The following ATG2B variants were observed in gnomAD, a reference collection of about 807,000 sequenced individuals.
ATG2B encodes autophagy-related protein 2 homolog B.
ATG2B carries 121 observed loss-of-function variants against 241.3 expected under a neutral mutation model. The ratio of observed to expected loss-of-function variants is 0.50; its 90% CI spans 0.43 to 0.58. The LOEUF (loss-of-function observed/expected upper bound fraction) is 0.58. ATG2B is among the 20% of genes least tolerant of loss of function. ATG2B has a pLI of 0.00. For synonymous variants in ATG2B, 858 were observed against 876.6 expected, an observed-to-expected ratio of 0.98 and a Z score of 0.37; for missense variants, 2,306 against 2,491.6, an observed-to-expected ratio of 0.93 and a Z score of 1.59.
intron 36 of ATG2B, among the ~76,000 whole-genome samples, chr14:96,292,758 G>C (rs558093941): frequency 6.6e-6 from 1 of 152,294 alleles, no homozygotes; most frequent in South Asian, 2.1e-4. Context: ...CAAATATAGG[G>C]AACGGTGTGA....
intron 29 of ATG2B, among the ~76,000 whole-genome samples, chr14:96,308,251 TACACAC>T (rs1203560379): frequency 0.27 from 5,603 of 20,576 alleles, 707 homozygotes; most frequent in African/African-American, 0.31. Context: ...TATATATATA[TACACAC>T]ATATATATAT....
At chr14:96,359,293 G>A (rs1325361366) in intron 1 of ATG2B, among the ~76,000 whole-genome samples, 1 of 151,926 alleles carries the variant, frequency 6.6e-6, no homozygotes, top group Non-Finnish European at 1.5e-5. Context: ...TAGGAGGATC[G>A]CTTGAGCCTA....
Position 96,323,945 on chromosome 14 carries a change from T to C in ATG2B, c.2491A>G (p.Ser831Gly), listed in dbSNP as rs763232069. ...GATGTTGTATCTCCATCTACTCCAC[T>C]AGACACATGGAAAAACTTAATAGAT... Reference protein sequence around the residue: ...DPSIKFFHVSSGVDGDTTSSD... With the variant: ...DPSIKFFHVSGGVDGDTTSSD... Residue 831 changes from serine (S) to glycine (G), a missense_variant, in exon 16 of 42, where the codon AGT (serine) becomes GGT (glycine). Physicochemically the swap from Ser to Gly is moderately conservative, Grantham distance 56 (BLOSUM62 0). This residue lies in a region of ATG2B where 1,927 missense variants were observed against 2,011.2 expected (regional missense o/e 0.96). Coordinates refer to ENST00000359933, the MANE Select transcript of ATG2B (RefSeq NM_018036.7). 5.6e-6 allele frequency: 9 copies of C among 1,611,890 alleles called. No individual in the cohort carries two copies. Among genetic ancestry groups the C allele is most frequent in the South Asian group, 5.5e-5 (5 of 90,580 alleles).
intron 37 of ATG2B, 137 bp from the exon 38 acceptor site, chr14:96,291,819 A>G (rs191169805): frequency 2.2e-4 from 144 of 651,802 alleles, no homozygotes; most frequent in Non-Finnish European, 4.3e-5. Flanking sequence ...GTAAAAATAT[A>G]TATCTTACAA....
At position 96,304,559 on chromosome 14, in the gene ATG2B, C is replaced by T. The variant is rs200339616; in HGVS notation, c.4778G>A (p.Arg1593His). 2.9e-5 allele frequency: 46 copies of T among 1,611,204 alleles called. No individual in the cohort carries two copies. Among genetic ancestry groups the T allele is most frequent in the Middle Eastern group, 1.7e-4 (1 of 6,048 alleles). The part of the protein sequence containing the change: ...SPSHTPTRHG[R>H]NTVCGGKGRN... ...TCCTTTTCCCCCACATACTGTATTA[C>T]GTCCATGTCTCGTGGGTGTGTGAGA... Residue 1593 changes from arginine to histidine, a missense_variant, in exon 32 of 42, where the codon CGT (arginine) becomes CAT (histidine). This residue lies in a region of ATG2B where 1,927 missense variants were observed against 2,011.2 expected (regional missense o/e 0.96). Coordinates refer to ENST00000359933, the MANE Select transcript of ATG2B (RefSeq NM_018036.7).
Position 96,329,592 on chromosome 14 carries a change from T to C in ATG2B, c.1773A>G (p.Gln591=). The C allele has an allele frequency of 6.2e-7, 1 of 1,610,450 alleles. No individual in the cohort carries two copies. The highest frequency in any genetic ancestry group is 8.5e-7 in the Non-Finnish European group (1 of 1,177,006). The change falls in exon 12 of 42, where the codon CAA becomes CAG. Residue 591 remains glutamine, a synonymous_variant. Coordinates refer to ENST00000359933, the MANE Select transcript of ATG2B (RefSeq NM_018036.7). ...TACTAAAATATCGGGAAGCTGATCTTTGTCTTTGTTCATAGGATACTTTAA... is the reference window on the plus strand; with the variant it reads ...TACTAAAATATCGGGAAGCTGATCTCTGTCTTTGTTCATAGGATACTTTAA... ...TGIKVSYEQR[Q]RSASRYFSTD...
chr14:96,343,617 G>A (rs1192424860), intron 4 of ATG2B, among the ~76,000 whole-genome samples: 3 of 152,024 alleles, frequency 2.0e-5, no homozygotes, highest in Non-Finnish European at 2.9e-5. Flanking sequence ...GGCTTAAATT[G>A]AGAGAAAAAA....
At position 96,302,113 on chromosome 14, in the gene ATG2B, A is replaced by G. The variant is rs767587807; in HGVS notation, c.5038-5T>C. Reference sequence around the variant, plus strand: ...GTGTAAGGCTTTCACTGTCAACTACAAGGCAAGAAAGAGAATAACATTTTT... The same window carrying G: ...GTGTAAGGCTTTCACTGTCAACTACGAGGCAAGAAAGAGAATAACATTTTT... On this transcript the variant is annotated splice_region_variant and splice_polypyrimidine_tract_variant and intron_variant, in intron 33 of 41. Transcript: ENST00000359933. 2.3e-5 allele frequency: 37 copies of G among 1,581,282 alleles called. No homozygotes were observed. Among genetic ancestry groups the G allele is most frequent in the Non-Finnish European group, 2.9e-5 (33 of 1,152,572 alleles).
At chr14:96,311,365 TAAATA>T in intron 27 of ATG2B, 78 bp from the exon 28 acceptor site, 2 of 1,353,348 alleles carry the variant, frequency 1.5e-6, no homozygotes, top group Non-Finnish European at 1.0e-6. Context: ...AGATTTACAT[TAAATA>T]AGATTCATGA....
At chr14:96,291,242 C>T (rs1886476232) in intron 38 of ATG2B, among the ~76,000 whole-genome samples, 1 of 152,124 alleles carries the variant, frequency 6.6e-6, no homozygotes, top group Admixed American at 6.5e-5. Context: ...TTCCAATGTT[C>T]TTATTTCTTG....
chr14:96,361,384 T>G (rs1405347250), intron 1 of ATG2B, among the ~76,000 whole-genome samples: 1 of 152,218 alleles, frequency 6.6e-6, no homozygotes, highest in Non-Finnish European at 1.5e-5. Context: ...TAACTCCATC[T>G]GTAAAATGGA....
At chr14:96,319,003 A>G (rs1376043897) in intron 18 of ATG2B, among the ~76,000 whole-genome samples, 1 of 152,234 alleles carries the variant, frequency 6.6e-6, no homozygotes, top group Non-Finnish European at 1.5e-5. Flanking sequence ...ACAGTTGGTG[A>G]GGACAGTGAA....
chr14:96,323,601 A>T (rs1319853402), intron 16 of ATG2B, among the ~76,000 whole-genome samples: 2 of 152,228 alleles, frequency 1.3e-5, no homozygotes, highest in African/African-American at 4.8e-5. Flanking sequence ...CTTGTGCTCT[A>T]AACTCATGCT....
Position 96,333,806 on chromosome 14 carries a change from C to T in ATG2B, c.1089G>A (p.Glu363=), listed in dbSNP as rs1232409089. The T allele has an allele frequency of 5.6e-6, 9 of 1,613,928 alleles. No individual in the cohort carries two copies. The highest frequency in any genetic ancestry group is 7.6e-6 in the Non-Finnish European group (9 of 1,179,910). Residue 363 remains glutamate (E), a synonymous_variant, in exon 8 of 42, where the codon GAG becomes GAA. Transcript: ENST00000359933. ...GGTTTAATTCCATCTGAATTCGATA[C>T]TCGTCTTCCTGCTGCATGGGTCGAT... ...RKNRPMQQED[E]YRIQMELNRY...
At position 96,302,153 on chromosome 14, in the gene ATG2B, T is replaced by C. The variant is rs200986406; in HGVS notation, c.5038-45A>G. On this transcript the variant is annotated intron_variant, in intron 33 of 41. Coordinates refer to ENST00000359933, the MANE Select transcript of ATG2B (RefSeq NM_018036.7). Reference sequence around the variant, plus strand: ...ATAACATTTTTCCCCAATAATATGATGACCTTCTTCTCTTTAAAAATAAGA... The same window carrying C: ...ATAACATTTTTCCCCAATAATATGACGACCTTCTTCTCTTTAAAAATAAGA... 1.1e-5 allele frequency: 13 copies of C among 1,199,514 alleles called. No individual in the cohort carries two copies. In the East Asian group the frequency reaches 2.6e-4, roughly 24 times the overall value. The allele number at this position is 1,199,514 out of a possible 1,614,324, so 74.3% of individuals were successfully genotyped here.
At chr14:96,323,394 C>T (rs970950075) in intron 16 of ATG2B, among the ~76,000 whole-genome samples, 5 of 152,150 alleles carry the variant, frequency 3.3e-5, no homozygotes, top group Admixed American at 2.6e-4. Context: ...CCTTTGATTA[C>T]CACATCCACC....
At position 96,292,115 on chromosome 14, in the gene ATG2B, G is replaced by C; in HGVS notation, c.5427-17C>G. On this transcript the variant is annotated splice_polypyrimidine_tract_variant and intron_variant, in intron 36 of 41. Coordinates refer to ENST00000359933, the MANE Select transcript of ATG2B (RefSeq NM_018036.7). The stretch of plus-strand genomic sequence containing the variant: ...CTAAATTCTCTGAAGATAAAGGAAG[G>C]AGGGAGTTATTTACATTTACAATTA... 6.5e-7 allele frequency: 1 copy of C among 1,545,618 alleles called. No individual in the cohort carries two copies. The highest frequency in any genetic ancestry group is 8.8e-7 in the Non-Finnish European group (1 of 1,131,830).
In ATG2B at chr14:96,363,197, G is replaced by C. The variant is rs1888731928; in HGVS notation, c.-221C>G. Reference sequence around the variant, plus strand: ...ACGCAGAGGGGTCCTCCTGGCCCCAGGCCAGGGGACTTCCGAGGAGGGTCC... The same window carrying C: ...ACGCAGAGGGGTCCTCCTGGCCCCACGCCAGGGGACTTCCGAGGAGGGTCC... On this transcript the variant is annotated 5_prime_UTR_variant, in exon 1 of 42. Coordinates refer to ENST00000359933, the MANE Select transcript of ATG2B (RefSeq NM_018036.7). 1.9e-6 allele frequency: 1 copy of C among 538,800 alleles called. No individual in the cohort carries two copies. Among genetic ancestry groups the C allele is most frequent in the Non-Finnish European group, 3.3e-6 (1 of 303,904 alleles). 33.4% of individuals were successfully genotyped at this position (538,800 alleles called of 1,614,324 possible). A position where few individuals can be genotyped will look rare whatever the true frequency, so the allele number is the denominator to read the frequency against.
intron 29 of ATG2B, among the ~76,000 whole-genome samples, chr14:96,308,562 CA>C (rs1887068337): frequency 6.6e-6 from 1 of 150,404 alleles, no homozygotes; most frequent in Non-Finnish European, 1.5e-5. Context: ...CTCAGCTTCC[CA>C]AAGTGCTAGA....
Sources: allele counts gnomAD v4.1 joint callset (sites outside exome capture counted in the v4.1 genomes callset), GRCh38; gene constraint gnomAD v4.1.1; regional missense constraint gnomAD v4.1.1; transcripts MANE v1.5; gene names NCBI Gene and HGNC (gene_info 2026-07-23, HGNC 2026-07-21).